RPS6KC1: variants seen among roughly 807,000 people sequenced by gnomAD.
RPS6KC1 encodes ribosomal protein S6 kinase C1.
In RPS6KC1, 54 loss-of-function variants were observed where a neutral mutation model predicts 103.8. The observed-to-expected ratio is 0.52, with a 90% CI of 0.42 to 0.65. RPS6KC1 has a LOEUF of 0.65. Ranked by LOEUF, RPS6KC1 falls within the 30% of genes least tolerant of loss-of-function variation. The pLI is 0.00. For missense variants in RPS6KC1, 1,151 were observed against 1,253.8 expected (o/e 0.92, Z 1.24); for synonymous variants, 439 against 438.7 (o/e 1.00, Z -0.01).
chr1:213,348,307 T>C, the RPS6KC1 span, among the ~76,000 whole-genome samples: 1 of 152,190 alleles, frequency 6.6e-6, no homozygotes, highest in East Asian at 1.9e-4. Context: ...AGGACTGTGA[T>C]AATAAACATA....
chr1:213,072,798 G>A (rs1265307177), intron 2 of RPS6KC1: 4 of 178,924 alleles, frequency 2.2e-5, no homozygotes, highest in Non-Finnish European at 4.3e-5. Flanking sequence ...AATTGAAAAT[G>A]GGTGTATTTC....
the RPS6KC1 span, among the ~76,000 whole-genome samples, chr1:213,636,492 C>A: frequency 2.0e-5 from 3 of 152,148 alleles, no homozygotes; most frequent in Non-Finnish European, 2.9e-5. Context: ...CTTTGACAAT[C>A]TGACAAAAAC....
the RPS6KC1 span, among the ~76,000 whole-genome samples, chr1:213,834,635 A>C: frequency 6.6e-6 from 1 of 152,104 alleles, no homozygotes; most frequent in Non-Finnish European, 1.5e-5. Context: ...CTAATGGTTA[A>C]AATATATTCT....
intron 10 of RPS6KC1, among the ~76,000 whole-genome samples, chr1:213,233,469 A>G (rs2094150225): frequency 6.6e-6 from 1 of 152,212 alleles, no homozygotes; most frequent in Non-Finnish European, 1.5e-5. Context: ...AATAATTTAG[A>G]ACAAGGTCAG....
intron 6 of RPS6KC1, among the ~76,000 whole-genome samples, chr1:213,151,854 A>C: frequency 9.5e-6 from 1 of 104,810 alleles, no homozygotes; most frequent in Non-Finnish European, 1.9e-5. Flanking sequence ...TCCCTCCCGG[A>C]CGGGGCGGCT....
the RPS6KC1 span, among the ~76,000 whole-genome samples, chr1:213,447,164 C>A: frequency 4.5e-4 from 68 of 152,034 alleles, no homozygotes; most frequent in East Asian, 0.013. Flanking sequence ...AACTCCTCAG[C>A]TCAAGCGATC....
the RPS6KC1 span, among the ~76,000 whole-genome samples, chr1:213,538,651 C>A: frequency 6.6e-6 from 1 of 151,996 alleles, no homozygotes; most frequent in Non-Finnish European, 1.5e-5. Context: ...GCAGAGGGTG[C>A]AGGTAGGAAT....
At chr1:213,298,037 A>G in the RPS6KC1 span, among the ~76,000 whole-genome samples, 1 of 152,196 alleles carries the variant, frequency 6.6e-6, no homozygotes, top group Non-Finnish European at 1.5e-5. Context: ...CCCTGCTTCA[A>G]GCTGAGCACC....
the RPS6KC1 span, among the ~76,000 whole-genome samples, chr1:213,301,026 T>C: frequency 6.6e-6 from 1 of 152,152 alleles, no homozygotes; most frequent in African/African-American, 2.4e-5. Context: ...TGGGGCTCTC[T>C]ACTGTGACGC....
chr1:213,776,969 C>T, the RPS6KC1 span, among the ~76,000 whole-genome samples: 2 of 152,148 alleles, frequency 1.3e-5, no homozygotes, highest in African/African-American at 4.8e-5. Context: ...TTTTCTTCTG[C>T]CTCTTCCTAG....
At chr1:213,571,390 G>T in the RPS6KC1 span, among the ~76,000 whole-genome samples, 9 of 152,264 alleles carry the variant, frequency 5.9e-5, no homozygotes, top group South Asian at 1.5e-3. Flanking sequence ...GAGGCGGAGA[G>T]GGCCTTGAGT....
At chr1:213,120,642 A>C (rs1202754282) in intron 5 of RPS6KC1, among the ~76,000 whole-genome samples, 1 of 152,090 alleles carries the variant, frequency 6.6e-6, no homozygotes, top group Non-Finnish European at 1.5e-5. Flanking sequence ...AAATGTGAGG[A>C]AGTGATTCAC....
chr1:213,064,695 TG>T (rs2078152621), intron 1 of RPS6KC1, among the ~76,000 whole-genome samples: 1 of 146,318 alleles, frequency 6.8e-6, no homozygotes. Context: ...TTTTTTTTTT[TG>T]AGATGGAGTC....
At chr1:213,760,636 AAAC>A in the RPS6KC1 span, among the ~76,000 whole-genome samples, 1 of 152,248 alleles carries the variant, frequency 6.6e-6, no homozygotes, top group Non-Finnish European at 1.5e-5. Context: ...GTATTCAGAC[AAAC>A]AACATTAGTA....
intron 3 of RPS6KC1, among the ~76,000 whole-genome samples, chr1:213,094,293 A>G (rs2081259627): frequency 6.6e-6 from 1 of 152,116 alleles, no homozygotes; most frequent in Admixed American, 6.5e-5. Flanking sequence ...TCATAATACC[A>G]TATTGCACCT....
the RPS6KC1 span, among the ~76,000 whole-genome samples, chr1:213,678,262 C>G: frequency 7.2e-5 from 11 of 152,264 alleles, no homozygotes; most frequent in Middle Eastern, 3.4e-3. Flanking sequence ...AACATCTTTA[C>G]AAGGAAACAT....
chr1:213,270,726 A>G (rs1389761088), intron 14 of RPS6KC1, among the ~76,000 whole-genome samples: 1 of 152,276 alleles, frequency 6.6e-6, no homozygotes, highest in African/African-American at 2.4e-5. Context: ...TTCAGAATAT[A>G]TAAAGAACTC....
At chr1:213,099,389 T>C (rs781401494) in intron 3 of RPS6KC1, among the ~76,000 whole-genome samples, 3 of 152,226 alleles carry the variant, frequency 2.0e-5, no homozygotes, top group African/African-American at 4.8e-5. Flanking sequence ...CCTTATCATA[T>C]ATCTTTCCAT....
At chr1:213,774,996 G>A in the RPS6KC1 span, among the ~76,000 whole-genome samples, 1 of 152,170 alleles carries the variant, frequency 6.6e-6, no homozygotes, top group Non-Finnish European at 1.5e-5. Context: ...GGGAGGAAAG[G>A]GGATGGAATA....
Sources: gnomAD v4.1 joint callset for allele counts (sites outside exome capture counted in the v4.1 genomes callset) on GRCh38, gnomAD v4.1.1 for gene constraint, MANE v1.5 for transcripts, NCBI Gene and HGNC (gene_info 2026-07-23, HGNC 2026-07-21) for gene names.